Variants in RABL6 observed in about 807,000 individuals in gnomAD.
RABL6 encodes the protein rab-like protein 6.
Under a neutral mutation model 72.9 loss-of-function variants are expected in RABL6, and 28 were observed. The ratio of observed to expected loss-of-function variants is 0.38; its 90% CI spans 0.28 to 0.53. The LOEUF (loss-of-function observed/expected upper bound fraction) is 0.53, where lower values mean the gene tolerates loss of function less well. RABL6 is among the 20% of genes least tolerant of loss of function. The pLI, the probability that RABL6 is intolerant of heterozygous loss-of-function variation, is 0.80. For missense variants in RABL6, 1,029 were observed against 1,008.4 expected (o/e 1.02, Z -0.28); for synonymous variants, 477 against 421.2 (o/e 1.13, Z -1.62).
Position 136,840,440 on chromosome 9 carries a change from C to T in RABL6, c.2108C>T (p.Ala703Val), listed in dbSNP as rs1848670755. ...CCCCCGCGCAGCAGGGAGAGGACGG[C>T]TGCCGATGAGCTGGAGGCTTTCCTG... ...QRPPRSRERTAADELEAFLGG... is the reference protein window; with the variant it reads ...QRPPRSRERTVADELEAFLGG... The change falls in exon 15 of 15, where the codon GCT becomes GTT. Residue 703 changes from alanine to valine, a missense_variant. Ala to Val is a moderately conservative substitution (Grantham distance 64). Coordinates refer to ENST00000311502, the MANE Select transcript of RABL6 (RefSeq NM_024718.5). 2 of 1,548,058 alleles carry T rather than the reference C, an allele frequency of 1.3e-6. No individual in the cohort carries two copies. Among genetic ancestry groups the T allele is most frequent in the Non-Finnish European group, 8.7e-7 (1 of 1,146,228 alleles).
At chr9:136,811,617 C>T (rs1313962397) in intron 1 of RABL6, among the ~76,000 whole-genome samples, 1 of 104,502 alleles carries the variant, frequency 9.6e-6, no homozygotes, top group African/African-American at 3.6e-5. Flanking sequence ...GACCCTGTCT[C>T]AAAAAAAAAA....
intron 13 of RABL6, 32 bp from the exon 14 acceptor site, chr9:136,840,122 A>G (rs1249213373): frequency 6.2e-7 from 1 of 1,612,704 alleles, no homozygotes; most frequent in Non-Finnish European, 8.5e-7. Flanking sequence ...CGTTGGCCTG[A>G]GTTTGAGCCA....
At position 136,826,256 on chromosome 9, in the gene RABL6, TG is replaced by T. The variant is rs560276535; in HGVS notation, c.313+434del. 1.1e-3 allele frequency among the ~76,000 whole-genome samples: 160 copies of T among 152,266 alleles called. No individual in the cohort carries two copies. The highest frequency in any genetic ancestry group is 3.8e-3 in the African/African-American group (158 of 41,560). ...TCCCCAGCCACACAGACCTGCACTC[TG>T]GGGACCGTGGGAGGGCAGCACCAGC... On this transcript the variant is annotated intron_variant, in intron 3 of 14. Transcript: ENST00000311502. The surrounding 1 kb of genome is among the most constrained non-coding windows in gnomAD (Gnocchi z 4.9).
rs370854138 is a variant in RABL6, at chr9:136,839,754, G to A, written c.1819G>A (p.Glu607Lys). ...GACTGACGAGGATGAGGGCCCTGCC[G>A]AGCCGCCCCCACCCCCCAAGCTCCC... ...DVTDEDEGPAEPPPPPKLPLP... is the reference protein window; with the variant it reads ...DVTDEDEGPAKPPPPPKLPLP... The change falls in exon 13 of 15, where the codon GAG becomes AAG. Residue 607 changes from glutamate to lysine, a missense_variant. Coordinates refer to ENST00000311502, the MANE Select transcript of RABL6 (RefSeq NM_024718.5). The A allele has an allele frequency of 3.8e-5, 62 of 1,611,792 alleles. No individual in the cohort carries two copies. Among genetic ancestry groups the A allele is most frequent in the Middle Eastern group, 1.7e-4 (1 of 6,056 alleles).
intron 9 of RABL6, 27 bp from the exon 10 acceptor site, chr9:136,837,835 A>C (rs1457115333): frequency 6.5e-7 from 1 of 1,545,758 alleles, no homozygotes; most frequent in South Asian, 1.2e-5. Context: ...GTGCCGAGTG[A>C]AGAGGACCCG....
In RABL6 at chr9:136,840,342, G is replaced by A. The variant is rs988235644; in HGVS notation, c.2010G>A (p.Lys670=). Residue 670 remains lysine, a synonymous_variant, in exon 15 of 15, where the codon AAG becomes AAA. Coordinates refer to ENST00000311502, the MANE Select transcript of RABL6 (RefSeq NM_024718.5). The part of the protein sequence containing the change: ...KGKEEEEKAA[K]KKSKHKKSKD... ...CTCAGGAAGAAGAAAAAGCTGCCAA[G>A]AAGAAGAGCAAACACAAGAAGAGCA... The A allele has an allele frequency of 6.4e-7, 1 of 1,564,620 alleles. No individual in the cohort carries two copies. Among genetic ancestry groups the A allele is most frequent in the Non-Finnish European group, 8.7e-7 (1 of 1,153,038 alleles).
Position 136,822,009 on chromosome 9 carries a change from C to T in RABL6, c.131-1516C>T, listed in dbSNP as rs565766714. The T allele has an allele frequency of 1.1e-3, 1,360 of 1,289,464 alleles. 1 individual carries two copies. Among genetic ancestry groups the T allele is most frequent in the Non-Finnish European group, 1.3e-3 (1,303 of 988,784 alleles). 79.9% of individuals were successfully genotyped at this position (1,289,464 alleles called of 1,614,324 possible). On this transcript the variant is annotated intron_variant, in intron 1 of 14. Transcript: ENST00000311502. ...GGCGCGTTGAGGTACCTAGGATGGGCGAGGAAATGAACAAGCTTCAGGGGA... is the reference window on the plus strand; with the variant it reads ...GGCGCGTTGAGGTACCTAGGATGGGTGAGGAAATGAACAAGCTTCAGGGGA...
chr9:136,822,094 G>C, intron 1 of RABL6: 1 of 1,287,750 alleles, frequency 7.8e-7, no homozygotes, highest in Non-Finnish European at 1.0e-6. Flanking sequence ...GGCCAGGAGA[G>C]AGGAGCCGGG....
At chr9:136,814,104 C>A in intron 1 of RABL6, 1 of 343,336 alleles carries the variant, frequency 2.9e-6, no homozygotes, top group South Asian at 2.7e-5. Context: ...CTTGAAAATC[C>A]ACATAGTCAG....
rs937402399 is a variant in RABL6, at chr9:136,808,105, C to T, written c.-92C>T. The T allele has an allele frequency of 2.4e-5, 31 of 1,298,462 alleles. No individual in the cohort carries two copies. The highest frequency in any genetic ancestry group is 3.0e-5 in the Non-Finnish European group (30 of 1,011,418). The allele number at this position is 1,298,462 out of a possible 1,614,324, so 80.4% of individuals were successfully genotyped here. A position where few individuals can be genotyped will look rare whatever the true frequency, so the allele number is the denominator to read the frequency against. On this transcript the variant is annotated 5_prime_UTR_variant, in exon 1 of 15. Transcript: ENST00000311502. ...CGCCGGCTCCGGCCTCCGGGGGGGCCGGGGCCGCCGGGACATGGTGCCAGT... is the reference window on the plus strand; with the variant it reads ...CGCCGGCTCCGGCCTCCGGGGGGGCTGGGGCCGCCGGGACATGGTGCCAGT...
chr9:136,839,874 G>T lies in RABL6; in HGVS notation c.1930+9G>T. 6.2e-7 allele frequency: 1 copy of T among 1,609,966 alleles called. No individual in the cohort carries two copies. Among genetic ancestry groups the T allele is most frequent in the Non-Finnish European group, 8.5e-7 (1 of 1,178,756 alleles). ...GGAGAGCAGTGAGGAAGGTGGGTGG[G>T]GGCACCAGAGTGCGGTCAGCCTGCT... On this transcript the variant is annotated intron_variant, in intron 13 of 14. Transcript: ENST00000311502.
At chr9:136,816,673 C>T (rs571316053) in intron 1 of RABL6, among the ~76,000 whole-genome samples, 4 of 146,254 alleles carry the variant, frequency 2.7e-5, no homozygotes, top group Admixed American at 6.9e-5. Flanking sequence ...GTCGAGATCG[C>T]GCCACTGCAC....
At chr9:136,809,687 G>A (rs947428633) in intron 1 of RABL6, 6 of 155,260 alleles carry the variant, frequency 3.9e-5, no homozygotes, top group South Asian at 3.6e-4. Context: ...TTATACTCTA[G>A]AACATACGAC....
chr9:136,840,510 C>CGAGGAGCTCTA lies in RABL6; in HGVS notation c.2180_2190dup. 1 of 1,513,218 alleles carries CGAGGAGCTCTA rather than the reference C, an allele frequency of 6.6e-7. No individual in the cohort carries two copies. Among genetic ancestry groups the CGAGGAGCTCTA allele is most frequent in the Non-Finnish European group, 8.9e-7 (1 of 1,129,022 alleles). 93.7% of individuals were successfully genotyped at this position (1,513,218 alleles called of 1,614,324 possible). On this transcript the variant is annotated frameshift_variant, in exon 15 of 15. Transcript: ENST00000311502. LOFTEE classifies it high-confidence loss of function. ...GCCGCCACCCTGGGGGTGGCGACTACGAGGAGCTCTAGGCCGGCGTGGGCA... is the reference window on the plus strand; with the variant it reads ...GCCGCCACCCTGGGGGTGGCGACTACGAGGAGCTCTAGAGGAGCTCTAGGCCGGCGTGGGCA...
chr9:136,822,884 C>A (rs530577939), intron 1 of RABL6, among the ~76,000 whole-genome samples: 2 of 152,094 alleles, frequency 1.3e-5, no homozygotes, highest in Non-Finnish European at 2.9e-5. Context: ...GTCAGGAGAT[C>A]GAGACCACCC....
rs1013692417 is a variant in RABL6, at chr9:136,826,558, G to C, written c.313+732G>C. On this transcript the variant is annotated intron_variant, in intron 3 of 14. Coordinates refer to ENST00000311502, the MANE Select transcript of RABL6 (RefSeq NM_024718.5). The surrounding 1 kb of genome is among the most constrained non-coding windows in gnomAD (Gnocchi z 4.9). ...CCCTCCACCTGTGCTTTGTTGGGGT[G>C]GGTTTGGCCATGGGGGGTTAGAGGC... 1.3e-5 allele frequency: 2 copies of C among 152,560 alleles called. No individual in the cohort carries two copies. Among genetic ancestry groups the C allele is most frequent in the African/African-American group, 4.8e-5 (2 of 41,428 alleles). 9.5% of individuals were successfully genotyped at this position (152,560 alleles called of 1,614,324 possible). A position where few individuals can be genotyped will look rare whatever the true frequency, so the allele number is the denominator to read the frequency against.
intron 1 of RABL6, among the ~76,000 whole-genome samples, chr9:136,818,719 T>C (rs1848177411): frequency 6.6e-6 from 1 of 151,180 alleles, no homozygotes; most frequent in Non-Finnish European, 1.5e-5. Context: ...CATTCCAGCT[T>C]GGGCAACAGA....
intron 7 of RABL6, chr9:136,834,168 A>G: frequency 7.9e-7 from 1 of 1,272,810 alleles, no homozygotes; most frequent in Non-Finnish European, 9.9e-7. Context: ...AGCAAATTTC[A>G]GGCCTTCTTT....
Position 136,839,298 on chromosome 9 carries a change from GTC to G in RABL6, c.1574_1575del (p.Ser525CysfsTer16). On this transcript the variant is annotated frameshift_variant, in exon 12 of 15. Coordinates refer to ENST00000311502, the MANE Select transcript of RABL6 (RefSeq NM_024718.5). LOFTEE classifies it high-confidence loss of function. Reference sequence around the variant, plus strand: ...CGCAGCACCCCCCTGGCCAGGCGGTGTCTCTGTTCGCACAGGTCCGGAGAAGC... The same window carrying G: ...CGCAGCACCCCCCTGGCCAGGCGGTGTCTGTTCGCACAGGTCCGGAGAAGC... The part of the protein sequence containing the change: ...RTAAPPWPGG[V>X]SVRTGPEKRS... 1.2e-6 allele frequency: 2 copies of G among 1,611,920 alleles called. No homozygotes were observed. Among genetic ancestry groups the G allele is most frequent in the Non-Finnish European group, 1.7e-6 (2 of 1,179,562 alleles).
Sources: allele counts gnomAD v4.1 joint callset (sites outside exome capture counted in the v4.1 genomes callset), GRCh38; gene constraint gnomAD v4.1.1; non-coding constraint Gnocchi (gnomAD v3.1); transcripts MANE v1.5; gene names NCBI Gene and HGNC (gene_info 2026-07-23, HGNC 2026-07-21).